Variants in DPP10 observed in about 807,000 individuals in gnomAD.
DPP10 encodes the protein dipeptidyl peptidase like 10.
Under a neutral mutation model 120.9 loss-of-function variants are expected in DPP10, and 33 were observed. The ratio of observed to expected loss-of-function variants is 0.27; its 90% CI spans 0.21 to 0.37. The LOEUF (loss-of-function observed/expected upper bound fraction) is 0.37. Among genes scored for constraint, DPP10 ranks in the 10% least tolerant of loss-of-function variants. DPP10 has a pLI of 1.00. For missense variants in DPP10, 816 were observed against 942.8 expected (o/e 0.87, Z 1.76); for synonymous variants, 337 against 326.1 (o/e 1.03, Z -0.36).
intron 3 of DPP10, among the ~76,000 whole-genome samples, chr2:115,347,713 A>T (rs1229680903): frequency 6.6e-6 from 1 of 151,902 alleles, no homozygotes; most frequent in African/African-American, 2.4e-5. Flanking sequence ...ACTCCCACTT[A>T]TGAGTGAGAA....
In DPP10 at chr2:115,706,277, G is replaced by A. The variant is rs115134280; in HGVS notation, c.576+16356G>A. Among the ~76,000 whole-genome samples, 714 of 151,910 alleles carry A rather than the reference G, an allele frequency of 4.7e-3. 7 individuals are homozygous for A. Among genetic ancestry groups the A allele is most frequent in the African/African-American group, 0.016 (681 of 41,486 alleles). On this transcript the variant is annotated intron_variant, in intron 7 of 25. Transcript: ENST00000410059. ...CAAACTTCCTTTAATTCATATTTAG[G>A]CAATATTTTAGTCATTTAGAAATAA...
chr2:115,506,462 T>C (rs1167090014), intron 4 of DPP10, among the ~76,000 whole-genome samples: 1 of 152,052 alleles, frequency 6.6e-6, no homozygotes, highest in East Asian at 1.9e-4. Context: ...GTCTTGAGAC[T>C]AAGGAAAACA....
intron 1 of DPP10, among the ~76,000 whole-genome samples, chr2:115,027,435 C>CA (rs1305190685): frequency 6.6e-6 from 1 of 152,054 alleles, no homozygotes; most frequent in Non-Finnish European, 1.5e-5. Context: ...ATATATTAGA[C>CA]AATTTTGCAT....
intron 1 of DPP10, among the ~76,000 whole-genome samples, chr2:114,720,495 AAC>A (rs1485946041): frequency 6.6e-6 from 1 of 152,214 alleles, no homozygotes; most frequent in Non-Finnish European, 1.5e-5. Context: ...AGCTAAATAA[AAC>A]ACATTTTCCT....
At chr2:114,632,024 G>A (rs1338870970) in intron 1 of DPP10, among the ~76,000 whole-genome samples, 1 of 151,798 alleles carries the variant, frequency 6.6e-6, no homozygotes, top group African/African-American at 2.4e-5. Context: ...TTTGTATTTG[G>A]TTGATTGTTT....
intron 1 of DPP10, among the ~76,000 whole-genome samples, chr2:115,097,912 A>G (rs1473366305): frequency 6.6e-6 from 1 of 152,186 alleles, no homozygotes; most frequent in Non-Finnish European, 1.5e-5. Flanking sequence ...TTTGGGACAG[A>G]AATGGGTATG....
rs551004057 is a variant in DPP10, at chr2:114,603,446, C to T, written c.60+160608C>T. Reference sequence around the variant, plus strand: ...TTCTTAAACCATAACGTCGGGATTACTTTTGTTCTCCTATTCTGAGGATGC... The same window carrying T: ...TTCTTAAACCATAACGTCGGGATTATTTTTGTTCTCCTATTCTGAGGATGC... On this transcript the variant is annotated intron_variant, in intron 1 of 25. Coordinates refer to ENST00000410059, the MANE Select transcript of DPP10 (RefSeq NM_020868.6). Among the ~76,000 whole-genome samples, 527 of 152,108 alleles carry T rather than the reference C, an allele frequency of 3.5e-3. 1 individual carries two copies. The highest frequency in any genetic ancestry group is 4.8e-3 in the Non-Finnish European group (328 of 67,962).
intron 1 of DPP10, among the ~76,000 whole-genome samples, chr2:115,151,413 A>ATTT (rs1559150300): frequency 7.6e-6 from 1 of 132,006 alleles, no homozygotes; most frequent in Non-Finnish European, 1.7e-5. Context: ...ACTTTCTTAT[A>ATTT]CTTTTTTTTT....
chr2:115,639,009 G>T (rs2086571649), intron 5 of DPP10, among the ~76,000 whole-genome samples: 1 of 152,138 alleles, frequency 6.6e-6, no homozygotes, highest in African/African-American at 2.4e-5. Context: ...AGCAAGGTCT[G>T]TAGGAAGATG....
rs554409910 is a variant in DPP10, at chr2:115,600,485, T to A, written c.441+74513T>A. On this transcript the variant is annotated intron_variant, in intron 5 of 25. Transcript: ENST00000410059. ...ATTTTTATTTACATATCAACTTAAT[T>A]AAACGTGTTAGCTGATTTCCATGTA... is the stretch of plus-strand genomic sequence containing the variant. Among the ~76,000 whole-genome samples, 23 of 152,350 alleles carry A rather than the reference T, an allele frequency of 1.5e-4. No individual in the cohort carries two copies. The East Asian group carries it at 2.9e-3, about 19-fold the overall frequency.
At chr2:115,152,998 T>C (rs2051662596) in intron 1 of DPP10, among the ~76,000 whole-genome samples, 1 of 152,198 alleles carries the variant, frequency 6.6e-6, no homozygotes, top group Non-Finnish European at 1.5e-5. Flanking sequence ...GGAGGGGTGG[T>C]TAAGCCAGAT....
At chr2:114,510,419 C>T (rs1684032855) in intron 1 of DPP10, among the ~76,000 whole-genome samples, 1 of 152,092 alleles carries the variant, frequency 6.6e-6, no homozygotes, top group African/African-American at 2.4e-5. Flanking sequence ...GCCTGACCAA[C>T]ATGGCGAAAA....
chr2:114,966,177 C>G (rs991567942), intron 1 of DPP10, among the ~76,000 whole-genome samples: 1 of 152,048 alleles, frequency 6.6e-6, no homozygotes, highest in Admixed American at 6.6e-5. Context: ...ACCTCCACCT[C>G]CTGGGTAGAT....
chr2:115,482,783 A>G (rs890925967), intron 3 of DPP10, among the ~76,000 whole-genome samples: 1 of 152,032 alleles, frequency 6.6e-6, no homozygotes, highest in East Asian at 1.9e-4. Context: ...TAATCAGTTC[A>G]TGATACTGGG....
At chr2:114,961,468 T>TGC (rs1180050718) in intron 1 of DPP10, among the ~76,000 whole-genome samples, 4 of 151,782 alleles carry the variant, frequency 2.6e-5, no homozygotes, top group Non-Finnish European at 5.9e-5. Flanking sequence ...TGTGTGTGTG[T>TGC]GTGCGCGCGC....
At chr2:115,382,490 C>G (rs891086749) in intron 3 of DPP10, among the ~76,000 whole-genome samples, 1 of 152,182 alleles carries the variant, frequency 6.6e-6, no homozygotes, top group African/African-American at 2.4e-5. Flanking sequence ...CCTGGTACCT[C>G]AGATGGAAAT....
rs1688260718 is a variant in DPP10 at position 114,842,801 on chromosome 2, A to C, written c.60+399963A>C. Among the ~76,000 whole-genome samples the C allele has an allele frequency of 2.6e-5, 4 of 152,254 alleles. No homozygotes were observed. The South Asian group carries it at 6.2e-4, about 24-fold the overall frequency. ...AAATGCTGAATAAAATATCACAAACATTCTTCAGATGAGATTCTAAACTGC... is the reference window on the plus strand; with the variant it reads ...AAATGCTGAATAAAATATCACAAACCTTCTTCAGATGAGATTCTAAACTGC... On this transcript the variant is annotated intron_variant, in intron 1 of 25. Coordinates refer to ENST00000410059, the MANE Select transcript of DPP10 (RefSeq NM_020868.6).
intron 1 of DPP10, among the ~76,000 whole-genome samples, chr2:114,965,964 C>CAAAAA (rs57107624): frequency 4.0e-5 from 3 of 74,806 alleles, no homozygotes; most frequent in African/African-American, 1.0e-4. Context: ...GACTCCTTCT[C>CAAAAA]AAAAAAAAAA....
chr2:114,468,946 G>GA (rs1055804297), intron 1 of DPP10, among the ~76,000 whole-genome samples: 1 of 151,982 alleles, frequency 6.6e-6, no homozygotes, highest in African/African-American at 2.4e-5. Flanking sequence ...AAGAAGAAGG[G>GA]AAAAAAGGGT....
Sources: allele counts gnomAD v4.1 joint callset (sites outside exome capture counted in the v4.1 genomes callset), GRCh38; gene constraint gnomAD v4.1.1; transcripts MANE v1.5; gene names NCBI Gene and HGNC (gene_info 2026-07-23, HGNC 2026-07-21).